The following ZBTB7C variants were observed in gnomAD, a reference collection of about 807,000 sequenced individuals.
ZBTB7C encodes zinc finger and BTB domain-containing protein 7C.
ZBTB7C carries 8 observed loss-of-function variants against 25.7 expected under a neutral mutation model. The ratio of observed to expected loss-of-function variants is 0.31; its 90% CI spans 0.18 to 0.56. ZBTB7C has a LOEUF of 0.56. Among genes scored for constraint, ZBTB7C ranks in the 20% least tolerant of loss-of-function variants. The probability of loss-of-function intolerance (pLI) is 0.91; values close to 1 mark genes in which losing one functional copy is unlikely to be tolerated. For missense variants in ZBTB7C, 824 were observed against 855.2 expected, an observed-to-expected ratio of 0.96 and a Z score of 0.46; for synonymous variants, 394 against 369.0, an observed-to-expected ratio of 1.07 and a Z score of -0.78.
chr18:48,150,313 G>A (rs1446078072), intron 3 of ZBTB7C: 1 of 152,022 alleles, frequency 6.6e-6, no homozygotes, highest in East Asian at 1.9e-4. Flanking sequence ...TGGGCGCAGT[G>A]GCTCATGCCT....
intron 2 of ZBTB7C, among the ~76,000 whole-genome samples, chr18:48,261,482 C>A (rs1258682211): frequency 6.6e-6 from 1 of 152,150 alleles, no homozygotes; most frequent in African/African-American, 2.4e-5. Flanking sequence ...CTTGGCGCTG[C>A]CGGAACTATG....
chr18:48,072,485 C>T (rs759063312), intron 3 of ZBTB7C: 2 of 152,332 alleles, frequency 1.3e-5, no homozygotes, highest in African/African-American at 2.4e-5. Flanking sequence ...CTGCAGCCTC[C>T]TTCCCATGTC....
At chr18:48,258,546 C>T (rs1287816136) in intron 2 of ZBTB7C, among the ~76,000 whole-genome samples, 1 of 152,050 alleles carries the variant, frequency 6.6e-6, no homozygotes, top group East Asian at 1.9e-4. Flanking sequence ...ATAAATAGTG[C>T]CAGAAAATTA....
chr18:48,317,093 T>C (rs2045965644), intron 2 of ZBTB7C, among the ~76,000 whole-genome samples: 1 of 151,884 alleles, frequency 6.6e-6, no homozygotes, highest in Non-Finnish European at 1.5e-5. Context: ...GCCAACATGG[T>C]GAAACCCTGT....
intron 1 of ZBTB7C, chr18:48,408,486 C>A (rs1049808759): frequency 6.6e-6 from 1 of 152,184 alleles, no homozygotes; most frequent in African/African-American, 2.4e-5. Context: ...TGTGTGCGTG[C>A]GCCCATTTCC....
At chr18:48,124,136 T>G (rs1365731886) in intron 3 of ZBTB7C, among the ~76,000 whole-genome samples, 1 of 152,252 alleles carries the variant, frequency 6.6e-6, no homozygotes, top group Non-Finnish European at 1.5e-5. Context: ...CCCCTTTAAT[T>G]GGCATCAGTT....
chr18:48,208,513 G>A (rs552199662), intron 2 of ZBTB7C, among the ~76,000 whole-genome samples: 1 of 152,318 alleles, frequency 6.6e-6, no homozygotes, highest in African/African-American at 2.4e-5. Flanking sequence ...GGGGGTGGGG[G>A]AATATCTTAG....
chr18:48,307,125 T>C (rs570608121), intron 2 of ZBTB7C, among the ~76,000 whole-genome samples: 174 of 152,232 alleles, frequency 1.1e-3, no homozygotes, highest in Non-Finnish European at 1.7e-3. Context: ...CCTCCAACAA[T>C]AGGCTGGGCT....
At chr18:48,061,470 G>A (rs1222232552) in intron 3 of ZBTB7C, among the ~76,000 whole-genome samples, 1 of 152,060 alleles carries the variant, frequency 6.6e-6, no homozygotes, top group Non-Finnish European at 1.5e-5. Context: ...AACACTCACT[G>A]AGCCCCTCAG....
chr18:48,097,382 G>GTTATTA (rs1555691088), intron 3 of ZBTB7C, among the ~76,000 whole-genome samples: 5,854 of 144,910 alleles, frequency 0.04, 182 homozygotes, highest in African/African-American at 0.079. Context: ...TATTGTTGTT[G>GTTATTA]TTATTATTAT....
intron 3 of ZBTB7C, among the ~76,000 whole-genome samples, chr18:48,044,601 CTCAGAG>C (rs2036394497): frequency 6.6e-6 from 1 of 152,362 alleles, no homozygotes; most frequent in African/African-American, 2.4e-5. Context: ...GTTTTGGATG[CTCAGAG>C]TCAGGTGTGG....
chr18:48,292,949 C>G (rs2045276747), intron 2 of ZBTB7C, among the ~76,000 whole-genome samples: 1 of 152,218 alleles, frequency 6.6e-6, no homozygotes, highest in Admixed American at 6.5e-5. Flanking sequence ...CACCCCCACC[C>G]CTGCCATGGT....
At chr18:48,106,758 A>G (rs4527084) in intron 3 of ZBTB7C, among the ~76,000 whole-genome samples, 19,589 of 151,738 alleles carry the variant, frequency 0.13, 2,627 homozygotes, top group African/African-American at 0.32. Context: ...GGCTCAATTC[A>G]GAGAGAACCA....
intron 3 of ZBTB7C, among the ~76,000 whole-genome samples, chr18:48,075,069 C>T (rs1430574446): frequency 6.6e-6 from 1 of 152,186 alleles, no homozygotes; most frequent in Admixed American, 6.5e-5. Flanking sequence ...GCACAAGGTA[C>T]AAGGAGAGAA....
Position 48,297,101 on chromosome 18 carries a change from AGGGGCTGCTG to A in ZBTB7C, c.-79+41063_-79+41072del, listed in dbSNP as rs531938972. Among the ~76,000 whole-genome samples the A allele has an allele frequency of 8.9e-4, 135 of 152,290 alleles. 2 individuals carry two copies. The highest frequency in any genetic ancestry group is 3.1e-3 in the African/African-American group (129 of 41,578). ...ACCAGTCCCTGGTGCCAAAAAGGTTAGGGGCTGCTGGTCTAGAGACACGCAGCACATATGC... is the reference window on the plus strand; with the variant it reads ...ACCAGTCCCTGGTGCCAAAAAGGTTAGTCTAGAGACACGCAGCACATATGC... On this transcript the variant is annotated intron_variant, in intron 2 of 4. Transcript: ENST00000590800.
chr18:48,035,882 C>T lies in ZBTB7C; in HGVS notation c.1208+4018G>A, dbSNP rs527404221. ...TAATCTTGGTCCAGACTGCCTCTGC[C>T]CTATGACCTGGAGCTGTTTCTGTGT... On this transcript the variant is annotated intron_variant, in intron 4 of 4. Coordinates refer to ENST00000590800, the MANE Select transcript of ZBTB7C (RefSeq NM_001318841.2). Among the ~76,000 whole-genome samples the T allele has an allele frequency of 2.0e-5, 3 of 152,322 alleles. No homozygotes were observed. In the South Asian group the frequency reaches 6.2e-4, roughly 32 times the overall value.
intron 2 of ZBTB7C, chr18:48,203,457 G>C (rs1350581197): frequency 6.6e-6 from 1 of 152,252 alleles, no homozygotes. Flanking sequence ...GGACAAAACA[G>C]CTTGGGTCCA....
intron 2 of ZBTB7C, among the ~76,000 whole-genome samples, chr18:48,283,082 G>A (rs896073276): frequency 2.0e-5 from 3 of 152,086 alleles, no homozygotes; most frequent in African/African-American, 7.2e-5. Context: ...TCTTACATTG[G>A]GGAATGCAAA....
intron 2 of ZBTB7C, among the ~76,000 whole-genome samples, chr18:48,276,254 G>C (rs544403497): frequency 2.7e-5 from 4 of 149,082 alleles, no homozygotes; most frequent in Non-Finnish European, 5.9e-5. Flanking sequence ...TGGGCTGCAG[G>C]TATGTCCTAA....
Sources: gnomAD v4.1 joint callset for allele counts (sites outside exome capture counted in the v4.1 genomes callset) on GRCh38, gnomAD v4.1.1 for gene constraint, MANE v1.5 for transcripts, NCBI Gene and HGNC (gene_info 2026-07-23, HGNC 2026-07-21) for gene names.